LRRC9: variants seen among roughly 807,000 people sequenced by gnomAD.
LRRC9 encodes the protein leucine rich repeat containing 9, also known as leucine-rich repeat-containing protein 9.
Under a neutral mutation model 63.2 loss-of-function variants are expected in LRRC9, and 122 were observed. That is an observed-to-expected ratio of 1.93 (90% CI 1.67 to 2.24). The LOEUF is 2.24. Ranked by LOEUF, LRRC9 falls within the 30% of genes most tolerant of loss-of-function variation. The probability of loss-of-function intolerance (pLI) is 0.00; values close to 1 mark genes in which losing one functional copy is unlikely to be tolerated. For synonymous variants in LRRC9, 366 were observed against 213.1 expected (o/e 1.72, Z -6.25); for missense variants, 1,071 against 627.7 (o/e 1.71, Z -7.55).
rs539002412 is a variant in LRRC9 at position 60,042,526 on chromosome 14, C to T, written c.3990+10463C>T. ...GCTGTGCTGGCAGTGAGTGAGGCTCCGTGGGCATGGGATCCTCCAAGCCAT... is the reference window on the plus strand; with the variant it reads ...GCTGTGCTGGCAGTGAGTGAGGCTCTGTGGGCATGGGATCCTCCAAGCCAT... On this transcript the variant is annotated intron_variant, in intron 29 of 31. Transcript: ENST00000445360. This position sits in a 1 kb window ranked among gnomAD's most constrained non-coding sequence, Gnocchi z 4.2. Among the ~76,000 whole-genome samples the T allele has an allele frequency of 8.0e-4, 122 of 152,334 alleles. No individual in the cohort carries two copies. The highest frequency in any genetic ancestry group is 2.0e-3 in the African/African-American group (84 of 41,590).
intron 17 of LRRC9, among the ~76,000 whole-genome samples, chr14:59,996,622 C>T (rs927540040): frequency 2.0e-5 from 3 of 152,056 alleles, no homozygotes; most frequent in African/African-American, 7.2e-5. Flanking sequence ...AGTATAAACA[C>T]ATAGAAAAAT....
At chr14:60,006,760 G>A in intron 22 of LRRC9, 143 bp downstream of exon 22, 1 of 531,628 alleles carries the variant, frequency 1.9e-6, no homozygotes, top group Non-Finnish European at 3.3e-6. Flanking sequence ...AAATGTATTT[G>A]CATTCAATGT....
chr14:60,030,212 T>G (rs1331567136), intron 28 of LRRC9: 1 of 152,098 alleles, frequency 6.6e-6, no homozygotes, highest in Non-Finnish European at 1.5e-5. Flanking sequence ...GGAACAATAT[T>G]TCAAGTGAAG....
At chr14:59,954,111 T>C (rs1883465901) in intron 8 of LRRC9, among the ~76,000 whole-genome samples, 1 of 152,242 alleles carries the variant, frequency 6.6e-6, no homozygotes, top group African/African-American at 2.4e-5. Flanking sequence ...TTCAGCTTTA[T>C]TCTTCTTCCT....
intron 10 of LRRC9, among the ~76,000 whole-genome samples, chr14:59,963,454 G>T (rs1884541568): frequency 6.6e-6 from 1 of 151,894 alleles, no homozygotes; most frequent in Non-Finnish European, 1.5e-5. Flanking sequence ...CATAAAAGAT[G>T]CTGTCCTTGT....
intron 17 of LRRC9, among the ~76,000 whole-genome samples, chr14:59,989,282 A>G (rs1031515623): frequency 1.3e-5 from 2 of 151,862 alleles, no homozygotes; most frequent in African/African-American, 4.8e-5. Context: ...AGGGACTCCC[A>G]TTATCCATAT....
At chr14:59,961,001 T>C (rs749281270) in exon 10 of LRRC9, 28 of 693,150 alleles carry the variant, frequency 4.0e-5, no homozygotes, top group Non-Finnish European at 6.8e-5. Flanking sequence ...AGTTAGAGAC[T>C]GTGGGAAATT....
chr14:60,009,265 G>A (rs1439902746), intron 23 of LRRC9, among the ~76,000 whole-genome samples: 2 of 152,168 alleles, frequency 1.3e-5, no homozygotes, highest in African/African-American at 4.8e-5. Context: ...CCAAGACTGG[G>A]CAATTTATAA....
intron 15 of LRRC9, among the ~76,000 whole-genome samples, chr14:59,979,414 C>G (rs749265546): frequency 6.6e-6 from 1 of 152,056 alleles, no homozygotes; most frequent in African/African-American, 2.4e-5. Context: ...GTCAGGGGAT[C>G]GAGACCATCC....
chr14:59,944,716 T>C lies in LRRC9; in HGVS notation c.854T>C (p.Val285Ala), dbSNP rs534355184. ...TTACAAAAGTTGCCAGAAGAACGAG[T>C]AAAATTATTCAGCTTTGTGAAGAAA... The change falls in exon 8 of 32, where the codon GTA becomes GCA. Residue 285 changes from valine (V) to alanine (A), a missense_variant. Transcript: ENST00000445360. 1.9e-5 allele frequency: 13 copies of C among 674,476 alleles called. No individual in the cohort carries two copies. The Admixed American group carries it at 2.7e-4, about 14-fold the overall frequency. 41.8% of individuals were successfully genotyped at this position (674,476 alleles called of 1,614,324 possible). A position where few individuals can be genotyped will look rare whatever the true frequency, so the allele number is the denominator to read the frequency against.
intron 12 of LRRC9, among the ~76,000 whole-genome samples, chr14:59,967,460 G>A (rs897492756): frequency 3.9e-5 from 6 of 152,202 alleles, no homozygotes; most frequent in African/African-American, 1.4e-4. Flanking sequence ...TTTATGTTGT[G>A]TTCCTTTTGT....
Position 59,927,608 on chromosome 14 carries a change from G to A in LRRC9, c.-33-303G>A, listed in dbSNP as rs1312152213. Among the ~76,000 whole-genome samples, 2 of 152,008 alleles carry A rather than the reference G, an allele frequency of 1.3e-5. No homozygotes were observed. The highest frequency in any genetic ancestry group is 2.9e-5 in the Non-Finnish European group (2 of 67,900). The stretch of plus-strand genomic sequence containing the variant: ...CTTGAACTGGGAGTAAGATAAGAGT[G>A]TAGATGAGAGATGACCATTTTCTTC... On this transcript the variant is annotated intron_variant, in intron 1 of 31. Coordinates refer to ENST00000445360, the Ensembl canonical transcript of LRRC9. The surrounding 1 kb of genome is among the most constrained non-coding windows in gnomAD (Gnocchi z 4.4).
At chr14:59,921,536 T>C (rs949186525) in intron 1 of LRRC9, among the ~76,000 whole-genome samples, 5 of 151,774 alleles carry the variant, frequency 3.3e-5, no homozygotes, top group Non-Finnish European at 7.4e-5. Context: ...GGGGATAGAG[T>C]CAAAGATTGG....
chr14:60,000,109 G>A (rs139983382), intron 19 of LRRC9, among the ~76,000 whole-genome samples: 144 of 152,170 alleles, frequency 9.5e-4, no homozygotes, highest in African/African-American at 3.3e-3. Flanking sequence ...ATGCTACACA[G>A]CCATAAAAAA....
At chr14:59,997,830 C>A (rs182949505) in exon 18 of LRRC9, 1 of 696,894 alleles carries the variant, frequency 1.4e-6, no homozygotes, top group Non-Finnish European at 2.6e-6. Flanking sequence ...TGATATTCAA[C>A]ATAATCCATG....
At chr14:59,984,093 G>T (rs1887213453) in intron 16 of LRRC9, among the ~76,000 whole-genome samples, 1 of 152,194 alleles carries the variant, frequency 6.6e-6, no homozygotes, top group Admixed American at 6.5e-5. Flanking sequence ...GTGATCAACA[G>T]TATGTTAGAT....
chr14:60,062,252 T>C (rs1254066881), intron 31 of LRRC9, 73 bp downstream of exon 32: 2 of 397,138 alleles, frequency 5.0e-6, no homozygotes, highest in East Asian at 3.6e-5. Flanking sequence ...TTGCTAGTCA[T>C]GTATAACAGG....
intron 12 of LRRC9, among the ~76,000 whole-genome samples, chr14:59,970,784 T>G (rs1433030067): frequency 6.6e-6 from 1 of 152,168 alleles, no homozygotes; most frequent in African/African-American, 2.4e-5. Flanking sequence ...GGGTGATTTT[T>G]TTTTGTAAAT....
intron 8 of LRRC9, among the ~76,000 whole-genome samples, chr14:59,952,968 T>C (rs1883336027): frequency 6.6e-6 from 1 of 152,210 alleles, no homozygotes. Context: ...TTCATCCATG[T>C]CCCTGCAAAG....
Sources: gnomAD v4.1 joint callset for allele counts (sites outside exome capture counted in the v4.1 genomes callset) on GRCh38, gnomAD v4.1.1 for gene constraint, Gnocchi (gnomAD v3.1) non-coding constraint, MANE v1.5 for transcripts, NCBI Gene and HGNC (gene_info 2026-07-23, HGNC 2026-07-21) for gene names.